The following CNTNAP2 variants were observed in gnomAD, a reference collection of about 807,000 sequenced individuals.
The protein encoded by CNTNAP2 is contactin associated protein 2.
In CNTNAP2, 98 loss-of-function variants were observed where a neutral mutation model predicts 155.2. The observed-to-expected ratio is 0.63, with a 90% confidence interval of 0.54 to 0.75. The LOEUF (loss-of-function observed/expected upper bound fraction) is 0.75, where lower values mean the gene tolerates loss of function less well. CNTNAP2 is among the 30% of genes least tolerant of loss of function. The probability of loss-of-function intolerance (pLI) is 0.00; values close to 1 mark genes in which losing one functional copy is unlikely to be tolerated. For synonymous variants in CNTNAP2, 651 were observed against 631.2 expected (o/e 1.03, Z -0.47); for missense variants, 1,727 against 1,688.1 (o/e 1.02, Z -0.40).
chr7:147,097,329 T>C (rs1381015623), intron 4 of CNTNAP2: 2 of 152,140 alleles, frequency 1.3e-5, no homozygotes, highest in East Asian at 3.9e-4. Context: ...GGATGAATAG[T>C]TGTATGGATG....
At chr7:147,854,989 G>A (rs1470145985) in intron 13 of CNTNAP2, among the ~76,000 whole-genome samples, 1 of 152,136 alleles carries the variant, frequency 6.6e-6, no homozygotes, top group Admixed American at 6.5e-5. Flanking sequence ...TTTACATGTT[G>A]AAAGAATTGT....
intron 1 of CNTNAP2, among the ~76,000 whole-genome samples, chr7:146,652,187 G>T (rs1799926183): frequency 1.3e-5 from 2 of 151,604 alleles, no homozygotes; most frequent in Admixed American, 6.6e-5. Context: ...ATTTATTAGT[G>T]TTAATTACTT....
At chr7:147,533,525 C>A (rs928451612) in intron 11 of CNTNAP2, among the ~76,000 whole-genome samples, 8 of 151,740 alleles carry the variant, frequency 5.3e-5, no homozygotes, top group African/African-American at 1.9e-4. Flanking sequence ...AAAATTGAAT[C>A]TTTTAAAGTC....
chr7:146,533,107 CAAAAAAAAAA>C (rs553035616), intron 1 of CNTNAP2, among the ~76,000 whole-genome samples: 3 of 47,836 alleles, frequency 6.3e-5, no homozygotes, highest in African/African-American at 6.8e-5. Flanking sequence ...GACCCTGTCT[CAAAAAAAAAA>C]AAAAAAAAAA....
At chr7:147,395,151 A>G (rs1301091707) in intron 9 of CNTNAP2, among the ~76,000 whole-genome samples, 5 of 152,020 alleles carry the variant, frequency 3.3e-5, no homozygotes, top group Non-Finnish European at 7.4e-5. Flanking sequence ...CTTATTTGAC[A>G]TCTGAATAAC....
At position 146,977,421 on chromosome 7, in the gene CNTNAP2, C is replaced by T. The variant is rs375206083; in HGVS notation, c.403-66486C>T. On this transcript the variant is annotated intron_variant, in intron 3 of 23. Transcript: ENST00000361727. ...ACAGTTATTCCAGTAGAGAATGAAA[C>T]GATATAATTATTGAGTGATCGTTCA... 7.4e-4 allele frequency among the ~76,000 whole-genome samples: 113 copies of T among 152,110 alleles called. No individual in the cohort carries two copies. In the South Asian group the frequency reaches 0.015, roughly 21 times the overall value.
chr7:146,788,489 G>T (rs1353280847), intron 2 of CNTNAP2, among the ~76,000 whole-genome samples: 1 of 152,202 alleles, frequency 6.6e-6, no homozygotes, highest in African/African-American at 2.4e-5. Context: ...GGCTAATAAA[G>T]CAGAAATGAT....
At chr7:147,053,381 C>T (rs1333829619) in intron 4 of CNTNAP2, among the ~76,000 whole-genome samples, 1 of 151,924 alleles carries the variant, frequency 6.6e-6, no homozygotes, top group Non-Finnish European at 1.5e-5. Flanking sequence ...AAGAAACTTA[C>T]AATTGACTTT....
chr7:146,301,584 C>A (rs577112295), intron 1 of CNTNAP2, among the ~76,000 whole-genome samples: 75 of 152,112 alleles, frequency 4.9e-4, no homozygotes, highest in African/African-American at 1.8e-3. Flanking sequence ...CCAAATTGTG[C>A]CACTGCACTC....
chr7:146,980,833 C>T (rs1798001755), intron 3 of CNTNAP2, among the ~76,000 whole-genome samples: 1 of 152,202 alleles, frequency 6.6e-6, no homozygotes, highest in African/African-American at 2.4e-5. Flanking sequence ...AGGAGACAAA[C>T]ATCAAAATTA....
At chr7:146,180,273 C>G (rs961626413) in intron 1 of CNTNAP2, among the ~76,000 whole-genome samples, 1 of 151,974 alleles carries the variant, frequency 6.6e-6, no homozygotes, top group Non-Finnish European at 1.5e-5. Flanking sequence ...ATCAGATGTG[C>G]CCGCCTTTCT....
intron 1 of CNTNAP2, among the ~76,000 whole-genome samples, chr7:146,228,006 C>T (rs144512894): frequency 1.6e-3 from 250 of 152,274 alleles, no homozygotes; most frequent in African/African-American, 5.8e-3. Context: ...TTATAAACTT[C>T]CACTTCCTAC....
At chr7:147,272,199 A>T (rs4726833) in intron 8 of CNTNAP2, among the ~76,000 whole-genome samples, 120,641 of 152,094 alleles carry the variant, frequency 0.79, 48,180 homozygotes, top group African/African-American at 0.89. Flanking sequence ...GCCTTGTAAT[A>T]TGAAATTAGA....
intron 15 of CNTNAP2, among the ~76,000 whole-genome samples, chr7:147,996,229 G>A (rs1163739163): frequency 6.6e-6 from 1 of 152,128 alleles, no homozygotes; most frequent in Non-Finnish European, 1.5e-5. Context: ...TAACACAGGG[G>A]CTTCTTATAT....
intron 8 of CNTNAP2, among the ~76,000 whole-genome samples, chr7:147,172,542 A>G (rs1378662940): frequency 6.6e-6 from 1 of 152,126 alleles, no homozygotes; most frequent in Non-Finnish European, 1.5e-5. Flanking sequence ...ATTTTTTCAG[A>G]GTCATTTGTA....
At chr7:146,532,919 C>T (rs748348343) in intron 1 of CNTNAP2, among the ~76,000 whole-genome samples, 3 of 151,420 alleles carry the variant, frequency 2.0e-5, no homozygotes, top group Non-Finnish European at 2.9e-5. Context: ...CCCATCTCTA[C>T]TAAAAAATAA....
intron 1 of CNTNAP2, among the ~76,000 whole-genome samples, chr7:146,626,402 C>T (rs1411907504): frequency 6.6e-6 from 1 of 151,988 alleles, no homozygotes; most frequent in African/African-American, 2.4e-5. Flanking sequence ...ATAAATAAAA[C>T]AGAAATCTAA....
chr7:146,563,741 T>C (rs1798315809), intron 1 of CNTNAP2, among the ~76,000 whole-genome samples: 1 of 152,122 alleles, frequency 6.6e-6, no homozygotes, highest in Non-Finnish European at 1.5e-5. Flanking sequence ...TGAGAAAAGC[T>C]TATAGAGGTT....
At chr7:146,982,868 A>G (rs1798045267) in intron 3 of CNTNAP2, among the ~76,000 whole-genome samples, 1 of 152,154 alleles carries the variant, frequency 6.6e-6, no homozygotes, top group Non-Finnish European at 1.5e-5. Flanking sequence ...CAATTCTTTG[A>G]TATTGTTTAA....
Sources: gnomAD v4.1 joint callset for allele counts (sites outside exome capture counted in the v4.1 genomes callset) on GRCh38, gnomAD v4.1.1 for gene constraint, MANE v1.5 for transcripts, NCBI Gene and HGNC (gene_info 2026-07-23, HGNC 2026-07-21) for gene names.